ZCCHC2: variants seen among roughly 807,000 people sequenced by gnomAD.
ZCCHC2 encodes zinc finger CCHC domain-containing protein 2.
Under a neutral mutation model 103.6 loss-of-function variants are expected in ZCCHC2, and 39 were observed. The observed-to-expected ratio is 0.38, with a 90% CI of 0.29 to 0.49. ZCCHC2 has a LOEUF of 0.49. ZCCHC2 is among the 20% of genes least tolerant of loss of function. The probability of loss-of-function intolerance (pLI) is 0.96; values close to 1 mark genes in which losing one functional copy is unlikely to be tolerated. For synonymous variants in ZCCHC2, 687 were observed against 608.9 expected (o/e 1.13, Z -1.89); for missense variants, 1,483 against 1,491.0 (o/e 0.99, Z 0.09).
At chr18:62,555,404 A>G (rs1362126646) in intron 5 of ZCCHC2, among the ~76,000 whole-genome samples, 3 of 152,230 alleles carry the variant, frequency 2.0e-5, no homozygotes, top group East Asian at 1.9e-4. Context: ...GTTGTAGAAT[A>G]TATGTATGAT....
chr18:62,565,830 T>C (rs1916340261), intron 11 of ZCCHC2, among the ~76,000 whole-genome samples: 1 of 152,184 alleles, frequency 6.6e-6, no homozygotes, highest in Non-Finnish European at 1.5e-5. Context: ...TACATTCAGT[T>C]GTGATGTAAT....
At chr18:62,555,595 G>A (rs1915851382) in intron 5 of ZCCHC2, among the ~76,000 whole-genome samples, 1 of 152,198 alleles carries the variant, frequency 6.6e-6, no homozygotes, top group Admixed American at 6.5e-5. Context: ...GATCACCAGA[G>A]GTCAGGAGTT....
chr18:62,531,209 C>T (rs1026154543), intron 1 of ZCCHC2, among the ~76,000 whole-genome samples: 3 of 152,212 alleles, frequency 2.0e-5, no homozygotes, highest in African/African-American at 4.8e-5. Flanking sequence ...AAGCCTCATT[C>T]ATCCACTGAC....
At chr18:62,575,787 G>T (rs998874145) in intron 13 of ZCCHC2, among the ~76,000 whole-genome samples, 3 of 152,114 alleles carry the variant, frequency 2.0e-5, no homozygotes, top group Admixed American at 6.5e-5. Context: ...AACTCTAAAG[G>T]CCCTTTTGAA....
intron 9 of ZCCHC2, among the ~76,000 whole-genome samples, chr18:62,564,255 T>C (rs1361764963): frequency 6.6e-6 from 1 of 152,212 alleles, no homozygotes; most frequent in Non-Finnish European, 1.5e-5. Flanking sequence ...GAATTGTACT[T>C]GAAGAGAATA....
rs61533860 is a variant in ZCCHC2 at position 62,583,762 on chromosome 18, T to C, written c.*74-684T>C. ...AGGTGTGAGATATGAAGAAATGGGG[T>C]CCCTGCCTGGAAACGTAGTCACGAC... On this transcript the variant is annotated intron_variant and NMD_transcript_variant, in intron 14 of 14. Transcript: ENST00000585873. Among the ~76,000 whole-genome samples the C allele has an allele frequency of 8.4e-3, 1,274 of 151,498 alleles. 20 individuals carry two copies. Among genetic ancestry groups the C allele is most frequent in the African/African-American group, 0.029 (1,212 of 41,240 alleles).
intron 4 of ZCCHC2, among the ~76,000 whole-genome samples, chr18:62,545,388 T>C (rs1009711243): frequency 1.3e-5 from 2 of 152,082 alleles, no homozygotes; most frequent in African/African-American, 4.8e-5. Context: ...AGCTGTGCAC[T>C]TCCCTGAAAT....
In ZCCHC2 at chr18:62,523,674, G is replaced by A; in HGVS notation, c.250G>A (p.Gly84Ser). Reference sequence around the variant, plus strand: ...GGCGGCGGGGGCGGGTATGCCGGGCGGCGGCGGGGGGCCCTCGGCGGCGCT... The same window carrying A: ...GGCGGCGGGGGCGGGTATGCCGGGCAGCGGCGGGGGGCCCTCGGCGGCGCT... The part of the protein sequence containing the change: ...GAAAGAGMPG[G>S]GGGPSAALRE... The change falls in exon 1 of 14, where the codon GGC becomes AGC. Residue 84 changes from glycine (G) to serine (S), a missense_variant. Gly to Ser is a moderately conservative substitution (Grantham distance 56, BLOSUM62 0). This residue lies in a region of ZCCHC2 where 568 missense variants were observed against 525.1 expected (regional missense o/e 1.08). Transcript: ENST00000269499. 7.3e-7 allele frequency: 1 copy of A among 1,365,440 alleles called. No homozygotes were observed. The highest frequency in any genetic ancestry group is 9.4e-7 in the Non-Finnish European group (1 of 1,062,952). The allele number at this position is 1,365,440 out of a possible 1,614,324, so 84.6% of individuals were successfully genotyped here.
rs1229680891 is a variant in ZCCHC2, at chr18:62,556,297, A to G, written c.1408A>G (p.Asn470Asp). The change falls in exon 6 of 14, where the codon AAT becomes GAT. Residue 470 changes from asparagine to aspartate, a missense_variant and splice_region_variant. Transcript: ENST00000269499. The part of the protein sequence containing the change: ...SISSDSLHSI[N>D]NLQSSLKTSK... Reference sequence around the variant, plus strand: ...ATCATCAGACTCCCTACACAGTATCAGTAAGCATCCTCTGTCCCTCTGTGG... The same window carrying G: ...ATCATCAGACTCCCTACACAGTATCGGTAAGCATCCTCTGTCCCTCTGTGG... 2 of 1,591,342 alleles carry G rather than the reference A, an allele frequency of 1.3e-6. No individual in the cohort carries two copies. Among genetic ancestry groups the G allele is most frequent in the Non-Finnish European group, 1.7e-6 (2 of 1,167,242 alleles).
chr18:62,523,376 G>GGGGCCCCC lies in ZCCHC2; in HGVS notation c.-49_-48insGGGCCCCC. 14 of 1,012,348 alleles carry GGGGCCCCC rather than the reference G, an allele frequency of 1.4e-5. No homozygotes were observed. The highest frequency in any genetic ancestry group is 1.6e-5 in the Non-Finnish European group (14 of 848,984). The allele number at this position is 1,012,348 out of a possible 1,614,324, so 62.7% of individuals were successfully genotyped here. A position where few individuals can be genotyped will look rare whatever the true frequency, so the allele number is the denominator to read the frequency against. On this transcript the variant is annotated 5_prime_UTR_variant, in exon 1 of 14. Coordinates refer to ENST00000269499, the MANE Select transcript of ZCCHC2 (RefSeq NM_017742.6). ...GCCTCGGCCCGTGCTCCACCTCGCG[G>GGGGCCCCC]CCCCTCCCGCCCGCCCCCGCTCGCA...
At chr18:62,565,301 G>A (rs1313901023) in intron 11 of ZCCHC2, among the ~76,000 whole-genome samples, 2 of 152,110 alleles carry the variant, frequency 1.3e-5, no homozygotes, top group African/African-American at 4.8e-5. Flanking sequence ...TGGGGGTGGA[G>A]ATTGCCTTTG....
At chr18:62,549,514 G>A (rs1915573712) in intron 4 of ZCCHC2, among the ~76,000 whole-genome samples, 1 of 152,202 alleles carries the variant, frequency 6.6e-6, no homozygotes, top group Admixed American at 6.5e-5. Context: ...TTGTATTCCT[G>A]TGGCTTCTCA....
chr18:62,542,643 A>T (rs1836439377), intron 3 of ZCCHC2, 69 bp downstream of exon 3: 2 of 1,362,400 alleles, frequency 1.5e-6, no homozygotes, highest in Admixed American at 4.3e-5. Flanking sequence ...AACTTGTGGC[A>T]GGTTTGCTAA....
At chr18:62,543,015 C>T (rs1915265002) in intron 3 of ZCCHC2, among the ~76,000 whole-genome samples, 1 of 152,160 alleles carries the variant, frequency 6.6e-6, no homozygotes, top group Non-Finnish European at 1.5e-5. Context: ...CTGGGATTAG[C>T]TGTAGAGCCC....
Position 62,524,069 on chromosome 18 carries a change from C to T in ZCCHC2, c.645C>T (p.Gly215=). 6.7e-7 allele frequency: 1 copy of T among 1,492,854 alleles called. No homozygotes were observed. Among genetic ancestry groups the T allele is most frequent in the South Asian group, 1.3e-5 (1 of 77,184 alleles). The allele number at this position is 1,492,854 out of a possible 1,614,324, so 92.5% of individuals were successfully genotyped here. A position where few individuals can be genotyped will look rare whatever the true frequency, so the allele number is the denominator to read the frequency against. Residue 215 remains glycine (G), a synonymous_variant, in exon 1 of 14, where the codon GGC becomes GGT. Transcript: ENST00000269499. ...CGGCCCGGGGCGAGGGCTCGCGGGG[C>T]GGCGCGGAGGACGAGCGCGGCGAGG... ...LRAARGEGSR[G]GAEDERGEDG... is the part of the protein sequence containing the mutation.
intron 1 of ZCCHC2, among the ~76,000 whole-genome samples, chr18:62,532,912 C>T (rs536476352): frequency 6.6e-6 from 1 of 152,236 alleles, no homozygotes; most frequent in Non-Finnish European, 1.5e-5. Flanking sequence ...TGGTGCATGT[C>T]TGTAGTCCCA....
chr18:62,575,184 C>G lies in ZCCHC2; in HGVS notation c.3103C>G (p.Pro1035Ala), dbSNP rs776990618. Residue 1035 changes from proline (P) to alanine (A), a missense_variant, in exon 13 of 14, where the codon CCT becomes GCT. Physicochemically the swap from Pro to Ala is conservative, Grantham distance 27 (BLOSUM62 -1). Transcript: ENST00000269499. Reference protein sequence around the residue: ...GNLQLNSYYYPNPMPGPMYRV... With the variant: ...GNLQLNSYYYANPMPGPMYRV... ...CCTTCAGCTAAATAGTTACTATTAT[C>G]CTAATCCAATGCCTGGACCAATGTA... is the stretch of plus-strand genomic sequence containing the variant. The G allele has an allele frequency of 1.2e-5, 19 of 1,613,932 alleles. No homozygotes were observed. In the Admixed American group the frequency reaches 1.3e-4, roughly 11 times the overall value.
At chr18:62,541,444 CT>C (rs754837152) in intron 2 of ZCCHC2, among the ~76,000 whole-genome samples, 3 of 152,202 alleles carry the variant, frequency 2.0e-5, no homozygotes, top group Non-Finnish European at 2.9e-5. Flanking sequence ...CTCCTCTATG[CT>C]TTTGTCACTT....
intron 3 of ZCCHC2, among the ~76,000 whole-genome samples, chr18:62,544,477 A>C (rs1015136875): frequency 6.6e-6 from 1 of 152,222 alleles, no homozygotes; most frequent in East Asian, 1.9e-4. Context: ...GTACTGTCAA[A>C]AGTGTCATTT....
Sources: gnomAD v4.1 joint callset for allele counts (sites outside exome capture counted in the v4.1 genomes callset) on GRCh38, gnomAD v4.1.1 for gene constraint, gnomAD v4.1.1 regional missense constraint, MANE v1.5 for transcripts, NCBI Gene and HGNC (gene_info 2026-07-23, HGNC 2026-07-21) for gene names.